Variants in NMNAT3 observed in about 807,000 individuals in gnomAD.
NMNAT3 encodes the protein nicotinamide/nicotinic acid mononucleotide adenylyltransferase 3.
NMNAT3 carries 21 observed loss-of-function variants against 24.8 expected under a neutral mutation model. That is an observed-to-expected ratio of 0.85 (90% CI 0.60 to 1.22). The LOEUF is 1.22. Ranked by LOEUF, NMNAT3 falls within the 50% of genes most tolerant of loss-of-function variation. The pLI, the probability that NMNAT3 is intolerant of heterozygous loss-of-function variation, is 0.00. For synonymous variants in NMNAT3, 136 were observed against 155.2 expected (o/e 0.88, Z 0.92); for missense variants, 387 against 436.6 (o/e 0.89, Z 1.01).
At chr3:139,600,368 C>T (rs1482064445) in intron 3 of NMNAT3, among the ~76,000 whole-genome samples, 1 of 150,934 alleles carries the variant, frequency 6.6e-6, no homozygotes, top group African/African-American at 2.4e-5. Flanking sequence ...TGCAATGGCG[C>T]AATCTTGGCT....
At chr3:139,674,467 G>A (rs973315315) in intron 1 of NMNAT3, among the ~76,000 whole-genome samples, 2 of 152,184 alleles carry the variant, frequency 1.3e-5, no homozygotes, top group African/African-American at 4.8e-5. Flanking sequence ...AACGAGCAAA[G>A]ACAGACACTG....
chr3:139,647,651 A>C (rs2108376672), intron 1 of NMNAT3, among the ~76,000 whole-genome samples: 1 of 152,242 alleles, frequency 6.6e-6, no homozygotes, highest in East Asian at 1.9e-4. Flanking sequence ...CTGGCCTTGA[A>C]GTTTGGAGGG....
chr3:139,573,599 T>G lies in NMNAT3; in HGVS notation c.657A>C (p.Ala219=), dbSNP rs1938788019. The change falls in exon 6 of 7, where the codon GCA becomes GCC. Residue 219 remains alanine (A), a splice_region_variant and synonymous_variant. Transcript: ENST00000643695. ...ACAGACAAGAGGATCAGCACCCACCTGCAGGGGTCGAGAAGAGTGCCTTGC... is the reference window on the plus strand; with the variant it reads ...ACAGACAAGAGGATCAGCACCCACCGGCAGGGGTCGAGAAGAGTGCCTTGC... 3 of 1,581,658 alleles carry G rather than the reference T, an allele frequency of 1.9e-6. No homozygotes were observed. The highest frequency in any genetic ancestry group is 2.6e-6 in the Non-Finnish European group (3 of 1,161,844).
chr3:139,676,194 T>G (rs945341833), intron 1 of NMNAT3, among the ~76,000 whole-genome samples: 4 of 152,258 alleles, frequency 2.6e-5, no homozygotes, highest in African/African-American at 9.6e-5. Flanking sequence ...CCCTACTCTC[T>G]GGGCCTCTCA....
intron 1 of NMNAT3, among the ~76,000 whole-genome samples, chr3:139,670,896 T>C (rs1228283566): frequency 6.6e-6 from 1 of 152,022 alleles, no homozygotes; most frequent in Non-Finnish European, 1.5e-5. Flanking sequence ...CCCTGAGAAT[T>C]CAAGTCTACA....
intron 3 of NMNAT3, among the ~76,000 whole-genome samples, chr3:139,625,767 G>T (rs2056024050): frequency 6.6e-6 from 1 of 152,058 alleles, no homozygotes; most frequent in South Asian, 2.1e-4. Flanking sequence ...GTTGGTCCAT[G>T]CTTCTGTTTG....
chr3:139,677,806 G>A lies in NMNAT3; in HGVS notation c.-242C>T, dbSNP rs1244194021. On this transcript the variant is annotated 5_prime_UTR_variant, in exon 1 of 7. Transcript: ENST00000643695. ...TAGCAGGGGCTGTCGGTCAGCGCGCGGCCCGGCGCCCGAGGTCCGAGAGGG... is the reference window on the plus strand; with the variant it reads ...TAGCAGGGGCTGTCGGTCAGCGCGCAGCCCGGCGCCCGAGGTCCGAGAGGG... The A allele has an allele frequency of 6.6e-6, 1 of 152,512 alleles. No homozygotes were observed. Among genetic ancestry groups the A allele is most frequent in the African/African-American group, 2.4e-5 (1 of 41,464 alleles). The allele number at this position is 152,512 out of a possible 1,614,324, so 9.4% of individuals were successfully genotyped here.
intron 6 of NMNAT3, chr3:139,570,015 C>T (rs1937897822): frequency 6.6e-6 from 1 of 152,178 alleles, no homozygotes; most frequent in Admixed American, 6.5e-5. Context: ...CATATAGTCC[C>T]ATATTTCTTG....
At chr3:139,669,938 T>C (rs1285249858) in intron 1 of NMNAT3, among the ~76,000 whole-genome samples, 1 of 152,210 alleles carries the variant, frequency 6.6e-6, no homozygotes, top group Non-Finnish European at 1.5e-5. Context: ...TTTAAAGTGT[T>C]GGGTCTTAAA....
chr3:139,618,634 A>G (rs1240875692), intron 3 of NMNAT3, among the ~76,000 whole-genome samples: 1 of 152,234 alleles, frequency 6.6e-6, no homozygotes, highest in African/African-American at 2.4e-5. Flanking sequence ...TTTAGTGAAA[A>G]TACACCCACG....
chr3:139,609,186 G>A (rs2055080407), intron 3 of NMNAT3, among the ~76,000 whole-genome samples: 1 of 152,200 alleles, frequency 6.6e-6, no homozygotes, highest in Admixed American at 6.5e-5. Context: ...AAATGAAACT[G>A]TGATGAACGT....
chr3:139,591,094 G>A (rs1027569922), intron 3 of NMNAT3, among the ~76,000 whole-genome samples: 1 of 151,470 alleles, frequency 6.6e-6, no homozygotes, highest in Admixed American at 6.6e-5. Context: ...GACAGTGGGC[G>A]CAGGCCAGTG....
At position 139,560,921 on chromosome 3, in the gene NMNAT3, A is replaced by G; in HGVS notation, c.*89T>C. 7.4e-7 allele frequency: 1 copy of G among 1,354,250 alleles called. No homozygotes were observed. Among genetic ancestry groups the G allele is most frequent in the Non-Finnish European group, 1.0e-6 (1 of 987,054 alleles). 83.9% of individuals were successfully genotyped at this position (1,354,250 alleles called of 1,614,324 possible). ...AAATAAAGCAAATGAAAAATGGAGA[A>G]GCAAAAACCAAAGTAAAACAGAAAC... On this transcript the variant is annotated 3_prime_UTR_variant, in exon 7 of 7. Transcript: ENST00000643695.
intron 1 of NMNAT3, among the ~76,000 whole-genome samples, chr3:139,647,706 A>C (rs1312778696): frequency 1.3e-5 from 2 of 152,198 alleles, no homozygotes; most frequent in East Asian, 3.9e-4. Flanking sequence ...CAGAACCTGG[A>C]CTCAGCAAGG....
intron 3 of NMNAT3, among the ~76,000 whole-genome samples, chr3:139,596,916 G>GTATATATATATATA (rs58824425): frequency 7.2e-5 from 7 of 97,164 alleles, no homozygotes; most frequent in Admixed American, 3.0e-4. Context: ...TGTCATGTGT[G>GTATATATATATATA]TATATATATA....
At chr3:139,566,195 T>A (rs925726183) in intron 6 of NMNAT3, 5 of 152,256 alleles carry the variant, frequency 3.3e-5, no homozygotes, top group African/African-American at 1.2e-4. Flanking sequence ...CTTTGCCCAC[T>A]TTCTGATGGA....
chr3:139,641,831 C>T (rs1265198815), intron 1 of NMNAT3, among the ~76,000 whole-genome samples: 1 of 152,212 alleles, frequency 6.6e-6, no homozygotes, highest in Non-Finnish European at 1.5e-5. Flanking sequence ...TGCAGCACAG[C>T]AATTCCCTTT....
At chr3:139,608,708 C>T (rs1298804016) in intron 3 of NMNAT3, among the ~76,000 whole-genome samples, 1 of 152,146 alleles carries the variant, frequency 6.6e-6, no homozygotes, top group South Asian at 2.1e-4. Context: ...AGATGTCATC[C>T]ACTGATCTTA....
At chr3:139,634,505 G>A (rs563545348) in intron 2 of NMNAT3, 106 bp downstream of exon 3, 7 of 152,246 alleles carry the variant, frequency 4.6e-5, no homozygotes, top group East Asian at 3.9e-4. Context: ...TGAGCGTGTC[G>A]ACTTCTCTAG....
Sources: allele counts gnomAD v4.1 joint callset (sites outside exome capture counted in the v4.1 genomes callset), GRCh38; gene constraint gnomAD v4.1.1; transcripts MANE v1.5; gene names NCBI Gene and HGNC (gene_info 2026-07-23, HGNC 2026-07-21).